The following RBFOX1 variants were observed in gnomAD, a reference collection of about 807,000 sequenced individuals.
RBFOX1 encodes RNA binding protein fox-1 homolog 1.
A neutral mutation model predicts 57.7 loss-of-function variants in RBFOX1; 8 were observed. That is an observed-to-expected ratio of 0.14 (90% confidence interval 0.08 to 0.25). The LOEUF (loss-of-function observed/expected upper bound fraction) is 0.25, where lower values mean the gene tolerates loss of function less well. RBFOX1 is among the 10% of genes least tolerant of loss of function. RBFOX1 has a pLI of 1.00. For missense variants in RBFOX1, 611 were observed against 548.5 expected, an observed-to-expected ratio of 1.11 and a Z score of -1.14; for synonymous variants, 326 against 222.4, an observed-to-expected ratio of 1.47 and a Z score of -4.15.
intron 4 of RBFOX1, among the ~76,000 whole-genome samples, chr16:7,227,139 G>A (rs866261598): frequency 2.0e-5 from 3 of 152,060 alleles, no homozygotes; most frequent in Admixed American, 6.6e-5. Context: ...GAAAATCCTG[G>A]AGTAATAGTA....
rs530541733 is a variant in RBFOX1 at position 6,218,260 on chromosome 16, C to G, written c.-126-98735C>G. Among the ~76,000 whole-genome samples, 62 of 151,092 alleles carry G rather than the reference C, an allele frequency of 4.1e-4. 1 individual carries two copies. The highest frequency in any genetic ancestry group is 7.3e-4 in the Admixed American group (11 of 15,054). ...TCATTCATTGAGCTAAGACTATAAA[C>G]AGGACTAGTGAAGTCTTTTTATTTA... On this transcript the variant is annotated intron_variant, in intron 1 of 15. Transcript: ENST00000550418.
chr16:5,714,897 T>A (rs532785279), intron 3 of RBFOX1, among the ~76,000 whole-genome samples: 1 of 152,256 alleles, frequency 6.6e-6, no homozygotes, highest in South Asian at 2.1e-4. Flanking sequence ...GACTTCAGTG[T>A]CAAACACAGA....
chr16:5,380,367 A>T (rs1328964566), intron 1 of RBFOX1, among the ~76,000 whole-genome samples: 1 of 152,222 alleles, frequency 6.6e-6, no homozygotes, highest in Non-Finnish European at 1.5e-5. Context: ...CAAGAGATAC[A>T]TCTGTGTGAT....
intron 5 of RBFOX1, among the ~76,000 whole-genome samples, chr16:7,532,691 A>G (rs2080421696): frequency 1.3e-5 from 2 of 152,148 alleles, no homozygotes; most frequent in African/African-American, 2.4e-5. Context: ...TCGTGGGCCG[A>G]TTCCTGCCTG....
At chr16:7,671,986 C>G (rs1433057347) in intron 13 of RBFOX1, among the ~76,000 whole-genome samples, 3 of 152,168 alleles carry the variant, frequency 2.0e-5, no homozygotes, top group East Asian at 1.9e-4. Context: ...ATTCAAGGTT[C>G]TAATTGAACC....
chr16:5,846,701 A>C (rs2056765983), intron 3 of RBFOX1, among the ~76,000 whole-genome samples: 1 of 152,130 alleles, frequency 6.6e-6, no homozygotes, highest in Non-Finnish European at 1.5e-5. Flanking sequence ...TTATTATTTT[A>C]AGGGCTGAGC....
chr16:6,734,080 G>A (rs939156950), intron 3 of RBFOX1, among the ~76,000 whole-genome samples: 2 of 152,146 alleles, frequency 1.3e-5, no homozygotes, highest in African/African-American at 4.8e-5. Flanking sequence ...CCCACTGCCT[G>A]GGTATGAAAT....
intron 2 of RBFOX1, among the ~76,000 whole-genome samples, chr16:6,633,631 C>G (rs1009762349): frequency 1.3e-5 from 2 of 152,096 alleles, no homozygotes; most frequent in Non-Finnish European, 2.9e-5. Context: ...GACTGTTTAA[C>G]TTGGCTAAAG....
chr16:5,519,717 G>T (rs540288023), intron 2 of RBFOX1, among the ~76,000 whole-genome samples: 51 of 152,144 alleles, frequency 3.4e-4, no homozygotes, highest in African/African-American at 1.2e-3. Flanking sequence ...AGAGTGAGAT[G>T]GTGTCTCAGA....
chr16:6,989,181 C>A (rs1328019763), intron 3 of RBFOX1, among the ~76,000 whole-genome samples: 2 of 152,202 alleles, frequency 1.3e-5, no homozygotes, highest in Admixed American at 6.5e-5. Flanking sequence ...CAGGCCTGAG[C>A]CACTGTGCTT....
intron 1 of RBFOX1, among the ~76,000 whole-genome samples, chr16:6,272,462 A>C (rs918659676): frequency 1.3e-5 from 2 of 152,212 alleles, no homozygotes; most frequent in Admixed American, 6.5e-5. Context: ...AAGGGGAGAC[A>C]TCATTTTCAT....
intron 4 of RBFOX1, among the ~76,000 whole-genome samples, chr16:7,166,877 A>G (rs570219337): frequency 4.6e-5 from 7 of 150,960 alleles, no homozygotes; most frequent in African/African-American, 1.7e-4. Context: ...TGGGGACTGC[A>G]CAGACACAGC....
intron 1 of RBFOX1, among the ~76,000 whole-genome samples, chr16:6,229,383 C>G (rs772832271): frequency 1.3e-5 from 2 of 152,222 alleles, no homozygotes; most frequent in Non-Finnish European, 2.9e-5. Flanking sequence ...CACAAGGACT[C>G]TTGTGGATCT....
chr16:7,191,703 G>A (rs912417436), intron 4 of RBFOX1, among the ~76,000 whole-genome samples: 1 of 152,256 alleles, frequency 6.6e-6, no homozygotes, highest in Non-Finnish European at 1.5e-5. Flanking sequence ...ACTGTCTTCA[G>A]TTGTTTTAAA....
chr16:6,498,472 C>A (rs2095833735), intron 2 of RBFOX1, among the ~76,000 whole-genome samples: 1 of 152,080 alleles, frequency 6.6e-6, no homozygotes, highest in South Asian at 2.1e-4. Flanking sequence ...TTTCAGTCAG[C>A]CTTCTCAGAA....
At chr16:7,709,703 T>TG (rs897633774) in intron 15 of RBFOX1, 1 of 1,078,918 alleles carries the variant, frequency 9.3e-7, no homozygotes, top group African/African-American at 2.0e-5. Context: ...CAGCTGGGTT[T>TG]GGGGGTTGCC....
chr16:5,347,378 G>C (rs1443739686), intron 1 of RBFOX1, among the ~76,000 whole-genome samples: 1 of 152,072 alleles, frequency 6.6e-6, no homozygotes, highest in African/African-American at 2.4e-5. Context: ...ATCATACTTT[G>C]TTCTTCTGTG....
chr16:7,060,676 G>A (rs1011719681), intron 4 of RBFOX1, among the ~76,000 whole-genome samples: 3 of 151,962 alleles, frequency 2.0e-5, no homozygotes, highest in African/African-American at 7.3e-5. Context: ...TTTTTTATTG[G>A]ATCCCCCAGC....
chr16:5,790,793 T>G (rs995402072), intron 3 of RBFOX1, among the ~76,000 whole-genome samples: 8 of 152,094 alleles, frequency 5.3e-5, no homozygotes, highest in Non-Finnish European at 1.0e-4. Flanking sequence ...ACAGGACCAT[T>G]CCAGAGTCAC....
Sources: gnomAD v4.1 joint callset for allele counts (sites outside exome capture counted in the v4.1 genomes callset) on GRCh38, gnomAD v4.1.1 for gene constraint, MANE v1.5 for transcripts, NCBI Gene and HGNC (gene_info 2026-07-23, HGNC 2026-07-21) for gene names.